The following DNAH11 variants were observed in gnomAD, a reference collection of about 807,000 sequenced individuals.
The protein encoded by DNAH11 is dynein axonemal heavy chain 11, also known as axonemal beta dynein heavy chain 11.
A neutral mutation model predicts 526.0 loss-of-function variants in DNAH11; 442 were observed. The observed-to-expected ratio is 0.84, with a 90% CI of 0.78 to 0.91. DNAH11 has a LOEUF of 0.91. Ranked by LOEUF, DNAH11 falls within the 40% of genes least tolerant of loss-of-function variation. The probability of loss-of-function intolerance (pLI) is 0.00; values close to 1 mark genes in which losing one functional copy is unlikely to be tolerated. For missense variants in DNAH11, 6,989 were observed against 5,448.7 expected, an observed-to-expected ratio of 1.28 and a Z score of -8.90; for synonymous variants, 2,461 against 1,935.9, an observed-to-expected ratio of 1.27 and a Z score of -7.12.
chr7:21,619,957 T>G lies in DNAH11; in HGVS notation c.4379T>G (p.Val1460Gly). 6.3e-7 allele frequency: 1 copy of G among 1,597,734 alleles called. No homozygotes were observed. The highest frequency in any genetic ancestry group is 8.5e-7 in the Non-Finnish European group (1 of 1,174,236). Residue 1460 changes from valine (V) to glycine (G), a missense_variant and splice_region_variant, in exon 25 of 82, where the codon GTT (valine) becomes GGT (glycine). Physicochemically the swap from Val to Gly is moderately radical, Grantham distance 109. Coordinates refer to ENST00000409508, the MANE Select transcript of DNAH11 (RefSeq NM_001277115.2). Reference sequence around the variant, plus strand: ...ATTAATTATATTGTTGATTACTAGGTTATTACTGAAATCAGTCAGACCTGG... The same window carrying G: ...ATTAATTATATTGTTGATTACTAGGGTATTACTGAAATCAGTCAGACCTGG... ...KAVKELGTEK[V>G]ITEISQTWAT... is the part of the protein sequence containing the mutation.
At chr7:21,588,485 C>T in intron 10 of DNAH11, 27 bp from the exon 11 acceptor site, 2 of 1,611,578 alleles carry the variant, frequency 1.2e-6, no homozygotes, top group Middle Eastern at 1.7e-4. Context: ...TCCCTTTCTT[C>T]CTCTTCACCA....
At chr7:21,603,189 G>C (rs1785157903) in intron 18 of DNAH11, among the ~76,000 whole-genome samples, 1 of 152,104 alleles carries the variant, frequency 6.6e-6, no homozygotes, top group Non-Finnish European at 1.5e-5. Flanking sequence ...TCTTTCACTT[G>C]GTATAATGTT....
Position 21,901,251 on chromosome 7 carries a change from G to A in DNAH11, c.13548G>A (p.Ala4516=), listed in dbSNP as rs147454485. 2.0e-4 allele frequency: 315 copies of A among 1,601,614 alleles called. No individual in the cohort carries two copies. In the African/African-American group the frequency reaches 2.5e-3, roughly 13 times the overall value. Residue 4516 remains alanine, a synonymous_variant, in exon 82 of 82, where the codon GCG becomes GCA. Transcript: ENST00000409508. ...CTGGAGTGGCTCTGCTTCTAGAAGC[G>A]TAAGGTAACACTGGCATTCCTCTAG... ...VLAGVALLLE[A]
chr7:21,873,197 A>G (rs1783565958), intron 73 of DNAH11, 77 bp from the exon 74 acceptor site: 5 of 1,232,464 alleles, frequency 4.1e-6, no homozygotes, highest in East Asian at 5.1e-5. Flanking sequence ...GTGCAATTAT[A>G]TATAGGAAAA....
chr7:21,579,198 A>G (rs1784218455), intron 8 of DNAH11, among the ~76,000 whole-genome samples: 1 of 152,222 alleles, frequency 6.6e-6, no homozygotes, highest in South Asian at 2.1e-4. Context: ...CATGATGCTA[A>G]TAAAGGCAAT....
intron 49 of DNAH11, among the ~76,000 whole-genome samples, 172 bp from the exon 50 acceptor site, chr7:21,744,266 T>C (rs1786045761): frequency 2.0e-5 from 3 of 152,202 alleles, no homozygotes; most frequent in South Asian, 2.1e-4. Context: ...TTTTAAAATA[T>C]TGCACTTATC....
chr7:21,841,831 AG>A (rs1183566815), intron 65 of DNAH11, among the ~76,000 whole-genome samples: 1 of 152,322 alleles, frequency 6.6e-6, no homozygotes, highest in East Asian at 1.9e-4. Context: ...GCACTACAAA[AG>A]CCCTTCTCAA....
At chr7:21,897,546 T>C (rs900430599) in intron 79 of DNAH11, among the ~76,000 whole-genome samples, 1 of 152,230 alleles carries the variant, frequency 6.6e-6, no homozygotes, top group Non-Finnish European at 1.5e-5. Context: ...CTCTACCAAA[T>C]TTTCTTGGAA....
chr7:21,570,166 A>T lies in DNAH11; in HGVS notation c.1292A>T (p.Lys431Ile). Residue 431 changes from lysine to isoleucine, a missense_variant, in exon 7 of 82, where the codon AAA (lysine) becomes ATA (isoleucine). By Grantham distance (102) the Lys-to-Ile change is moderately radical (BLOSUM62 -3). Transcript: ENST00000409508. ...GCTGTTAACATCTTAAAGACTTTCA[A>T]AAACTCCTTTTTCAACTATAGAAAA... ...QVAVNILKTF[K>I]NSFFNYRKKL... 6.2e-7 allele frequency: 1 copy of T among 1,613,494 alleles called. No individual in the cohort carries two copies.
intron 35 of DNAH11, among the ~76,000 whole-genome samples, chr7:21,695,902 C>A (rs929942534): frequency 1.7e-4 from 26 of 151,990 alleles, no homozygotes; most frequent in Admixed American, 3.3e-4. Context: ...GAAAAAAAAA[C>A]CCATCAAAAA....
chr7:21,745,243 A>C (rs901849948), intron 51 of DNAH11, among the ~76,000 whole-genome samples, 180 bp downstream of exon 51: 1 of 152,230 alleles, frequency 6.6e-6, no homozygotes, highest in Non-Finnish European at 1.5e-5. Flanking sequence ...ATAATGTCTT[A>C]CATAGGCACA....
intron 54 of DNAH11, among the ~76,000 whole-genome samples, chr7:21,756,521 T>C (rs1437237991): frequency 6.6e-6 from 1 of 152,080 alleles, no homozygotes; most frequent in African/African-American, 2.4e-5. Flanking sequence ...TTTAATTTCC[T>C]GGATTAACTA....
At chr7:21,750,013 A>G (rs1046528009) in intron 53 of DNAH11, among the ~76,000 whole-genome samples, 1 of 152,204 alleles carries the variant, frequency 6.6e-6, no homozygotes, top group Non-Finnish European at 1.5e-5. Context: ...TTATTCTTAC[A>G]CGTACGGGTG....
rs190568148 is a variant in DNAH11 at position 21,848,606 on chromosome 7, G to A, written c.10897-3861G>A. ...GTCTTCTTTCTTAGCTATATATATT[G>A]GGTGCTCACTCTCACTCGCTCTCTC... On this transcript the variant is annotated intron_variant, in intron 66 of 81. Coordinates refer to ENST00000409508, the MANE Select transcript of DNAH11 (RefSeq NM_001277115.2). Among the ~76,000 whole-genome samples the A allele has an allele frequency of 3.3e-5, 5 of 150,496 alleles. No individual in the cohort carries two copies. In the East Asian group the frequency reaches 9.9e-4, roughly 30 times the overall value.
rs115087697 is a variant in DNAH11, at chr7:21,826,358, T to C, written c.10691+8019T>C. Reference sequence around the variant, plus strand: ...GTAGGAGATATGGTAAAATAAAAATTAGATTGGTATGAATAGGAATTATGT... The same window carrying C: ...GTAGGAGATATGGTAAAATAAAAATCAGATTGGTATGAATAGGAATTATGT... On this transcript the variant is annotated intron_variant, in intron 65 of 81. Transcript: ENST00000409508. Among the ~76,000 whole-genome samples the C allele has an allele frequency of 2.4e-3, 372 of 152,212 alleles. 2 individuals are homozygous for C. The highest frequency in any genetic ancestry group is 8.3e-3 in the African/African-American group (345 of 41,540).
intron 55 of DNAH11, 39 bp downstream of exon 55, chr7:21,765,628 ACACACACACACAC>A (rs747748067): frequency 1.0e-6 from 1 of 988,202 alleles, no homozygotes; most frequent in South Asian, 2.0e-5. Flanking sequence ...ACACACACAC[ACACACACACACAC>A]ACACACACAC....
In DNAH11 at chr7:21,680,502, C is replaced by T. The variant is rs759747674; in HGVS notation, c.5329-1044C>T. Among the ~76,000 whole-genome samples, 20 of 152,246 alleles carry T rather than the reference C, an allele frequency of 1.3e-4. No individual in the cohort carries two copies. In the East Asian group the frequency reaches 3.5e-3, roughly 26 times the overall value. On this transcript the variant is annotated intron_variant, in intron 30 of 81. Coordinates refer to ENST00000409508, the MANE Select transcript of DNAH11 (RefSeq NM_001277115.2). ...TCAAACCTCTCTGACCACAATTCAC[C>T]ATAAGAAATATTTTCTATTAGATCC... is the stretch of plus-strand genomic sequence containing the variant.
At chr7:21,565,278 AG>A (rs10707078) in intron 6 of DNAH11, among the ~76,000 whole-genome samples, 72,081 of 151,874 alleles carry the variant, frequency 0.47, 17,692 homozygotes, top group East Asian at 0.75. Context: ...GTAAGACCAC[AG>A]GTCCTGTCGG....
At chr7:21,814,352 T>TTA (rs1562562373) in intron 63 of DNAH11, among the ~76,000 whole-genome samples, 1 of 149,224 alleles carries the variant, frequency 6.7e-6, no homozygotes, top group South Asian at 2.1e-4. Context: ...TTTATTTATT[T>TTA]TTTTTTTATT....
Sources: gnomAD v4.1 joint callset for allele counts (sites outside exome capture counted in the v4.1 genomes callset) on GRCh38, gnomAD v4.1.1 for gene constraint, MANE v1.5 for transcripts, NCBI Gene and HGNC (gene_info 2026-07-23, HGNC 2026-07-21) for gene names.